The following BAHCC1 variants were observed in gnomAD, a reference collection of about 807,000 sequenced individuals.
BAHCC1 encodes the protein BAH and coiled-coil domain-containing protein 1.
In BAHCC1, 43 loss-of-function variants were observed where a neutral mutation model predicts 88.2. The observed-to-expected ratio is 0.49, with a 90% CI of 0.38 to 0.63. The LOEUF (loss-of-function observed/expected upper bound fraction) is 0.63, where lower values mean the gene tolerates loss of function less well. Ranked by LOEUF, BAHCC1 falls within the 20% of genes least tolerant of loss-of-function variation. The probability of loss-of-function intolerance (pLI) is 0.00; values close to 1 mark genes in which losing one functional copy is unlikely to be tolerated. For synonymous variants in BAHCC1, 1,510 were observed against 745.5 expected, an observed-to-expected ratio of 2.03 and a Z score of -16.71; for missense variants, 3,023 against 1,654.8, an observed-to-expected ratio of 1.83 and a Z score of -14.34.
chr17:81,419,337 C>A (rs746603081), intron 2 of BAHCC1, among the ~76,000 whole-genome samples: 1 of 152,390 alleles, frequency 6.6e-6, no homozygotes, highest in East Asian at 1.9e-4. Context: ...CTGCACCTCC[C>A]CTCTGCATCC....
Position 81,435,329 on chromosome 17 carries a change from C to T in BAHCC1, c.359-3041C>T, listed in dbSNP as rs2064320844. 1 of 417,446 alleles carries T rather than the reference C, an allele frequency of 2.4e-6. No individual in the cohort carries two copies. Among genetic ancestry groups the T allele is most frequent in the South Asian group, 1.7e-5 (1 of 59,774 alleles). The allele number at this position is 417,446 out of a possible 1,614,324, so 25.9% of individuals were successfully genotyped here. ...AGCCTCTGTCTCCTGCAGTCTGTCC[C>T]ATCACAGGACTGAGTTTGGAGTCTC... On this transcript the variant is annotated intron_variant, in intron 3 of 27. Transcript: ENST00000675386. This position sits in a 1 kb window ranked among gnomAD's most constrained non-coding sequence, Gnocchi z 4.4.
At chr17:81,419,878 T>C (rs1431546591) in intron 2 of BAHCC1, among the ~76,000 whole-genome samples, 1 of 146,284 alleles carries the variant, frequency 6.8e-6, no homozygotes. Context: ...TCAAAACAAA[T>C]GCTCGCTCTG....
intron 3 of BAHCC1, among the ~76,000 whole-genome samples, chr17:81,428,126 TCCAGACTCCCCTGC>T (rs1312812213): frequency 2.6e-5 from 4 of 151,970 alleles, no homozygotes; most frequent in Admixed American, 6.6e-5. Flanking sequence ...GGGTCCTCGG[TCCAGACTCCCCTGC>T]CCAGACTCCC....
intron 2 of BAHCC1, among the ~76,000 whole-genome samples, chr17:81,421,017 G>A (rs1387572398): frequency 4.6e-5 from 7 of 152,256 alleles, no homozygotes; most frequent in African/African-American, 1.7e-4. Context: ...CAGCCCCATG[G>A]CGGGCCCACG....
In BAHCC1 at chr17:81,451,561, C is replaced by T. The variant is rs148577337; in HGVS notation, c.3977-107C>T. 1,352 of 625,318 alleles carry T rather than the reference C, an allele frequency of 2.2e-3. 2 individuals are homozygous for T. The highest frequency in any genetic ancestry group is 3.0e-3 in the Non-Finnish European group (1,020 of 343,568). 38.7% of individuals were successfully genotyped at this position (625,318 alleles called of 1,614,324 possible). A position where few individuals can be genotyped will look rare whatever the true frequency, so the allele number is the denominator to read the frequency against. On this transcript the variant is annotated intron_variant, in intron 11 of 27. Transcript: ENST00000675386. ...CTTCCCGGTCTCCTGACCCTCATCC[C>T]GGTCTTCAAGGCTGGGTGGCTTCAG...
rs369933422 is a variant in BAHCC1, at chr17:81,457,589, C to T, written c.5038C>T (p.Leu1680=). 2.0e-4 allele frequency: 148 copies of T among 730,852 alleles called. 1 individual carries two copies. Among genetic ancestry groups the T allele is most frequent in the Non-Finnish European group, 3.2e-4 (126 of 393,306 alleles). The allele number at this position is 730,852 out of a possible 1,614,324, so 45.3% of individuals were successfully genotyped here. Residue 1680 remains leucine, a synonymous_variant, in exon 17 of 28, where the codon CTA becomes TTA. Transcript: ENST00000675386. Reference sequence around the variant, plus strand: ...GAAGAAGAAGGAGAGGCAGGGGTTGCTAGGTAACCAGGAGGGAGGACAGGG... The same window carrying T: ...GAAGAAGAAGGAGAGGCAGGGGTTGTTAGGTAACCAGGAGGGAGGACAGGG... ...AKKKKERQGL[L]GACRLSSPES...
chr17:81,419,296 G>A (rs1360612328), intron 2 of BAHCC1, among the ~76,000 whole-genome samples: 1 of 152,188 alleles, frequency 6.6e-6, no homozygotes, highest in Non-Finnish European at 1.5e-5. Context: ...CAGCCAAATG[G>A]TCAGATGCTA....
chr17:81,445,193 C>A lies in BAHCC1; in HGVS notation c.2835+15C>A. The A allele has an allele frequency of 1.3e-6, 1 of 758,754 alleles. No homozygotes were observed. Among genetic ancestry groups the A allele is most frequent in the South Asian group, 1.4e-5 (1 of 71,460 alleles). The allele number at this position is 758,754 out of a possible 1,614,324, so 47.0% of individuals were successfully genotyped here. On this transcript the variant is annotated intron_variant, in intron 9 of 27. Coordinates refer to ENST00000675386, the MANE Select transcript of BAHCC1 (RefSeq NM_001377448.1). ...CCCAGTTCCAGGTACCGCCCCTAGC[C>A]ACGCTCACCTGGGCCGGGCACTTCT...
rs370839494 is a variant in BAHCC1 at position 81,455,587 on chromosome 17, G to C, written c.4569+197G>C. On this transcript the variant is annotated intron_variant, in intron 15 of 27. Transcript: ENST00000675386. ...GTGTAACACAGGAAGGTCTGACCGG[G>C]TGGCCCTGCCGCCACTTGCCCACGT... Among the ~76,000 whole-genome samples, 7 of 152,192 alleles carry C rather than the reference G, an allele frequency of 4.6e-5. No individual in the cohort carries two copies. In the East Asian group the frequency reaches 7.7e-4, roughly 17 times the overall value.
At position 81,461,554 on chromosome 17, in the gene BAHCC1, G is replaced by A; in HGVS notation, c.6891G>A (p.Glu2297=). 2.8e-6 allele frequency: 2 copies of A among 723,972 alleles called. No homozygotes were observed. Among genetic ancestry groups the A allele is most frequent in the Non-Finnish European group, 5.1e-6 (2 of 388,746 alleles). The allele number at this position is 723,972 out of a possible 1,614,324, so 44.8% of individuals were successfully genotyped here. A position where few individuals can be genotyped will look rare whatever the true frequency, so the allele number is the denominator to read the frequency against. ...ACAGCTCCTTCTCGGACGAGGACGA[G>A]GACGGGCCGGGGCTGGCGGCCGGCG... ...DCHSSFSDED[E]DGPGLAAGVP... The change falls in exon 26 of 28, where the codon GAG becomes GAA. Residue 2297 remains glutamate (E), a synonymous_variant. Coordinates refer to ENST00000675386, the MANE Select transcript of BAHCC1 (RefSeq NM_001377448.1).
chr17:81,450,607 G>A (rs77971002), intron 11 of BAHCC1, among the ~76,000 whole-genome samples: 1,958 of 152,334 alleles, frequency 0.013, 21 homozygotes, highest in African/African-American at 0.024. Flanking sequence ...GGGCTGGAGC[G>A]TGCTGGAAAG....
intron 23 of BAHCC1, among the ~76,000 whole-genome samples, 174 bp downstream of exon 23, chr17:81,459,778 T>TG (rs547761906): frequency 6.2e-4 from 41 of 65,704 alleles, no homozygotes; most frequent in African/African-American, 1.8e-3. Flanking sequence ...ACAGGGTGTG[T>TG]GGGGAGGGAG....
rs557455965 is a variant in BAHCC1, at chr17:81,434,581, C to T, written c.359-3789C>T. 1.3e-5 allele frequency among the ~76,000 whole-genome samples: 2 copies of T among 152,276 alleles called. No homozygotes were observed. The highest frequency in any genetic ancestry group is 3.9e-4 in the East Asian group (2 of 5,188). On this transcript the variant is annotated intron_variant, in intron 3 of 27. Coordinates refer to ENST00000675386, the MANE Select transcript of BAHCC1 (RefSeq NM_001377448.1). The surrounding 1 kb of genome is among the most constrained non-coding windows in gnomAD (Gnocchi z 4.9). ...AAGTGGGGCTTCCTGGGTGACCCTG[C>T]AGTGGGAAGTCCCCTGACCCCCCAG... is the stretch of plus-strand genomic sequence containing the variant.
rs563783646 is a variant in BAHCC1 at position 81,434,213 on chromosome 17, C to T, written c.359-4157C>T. On this transcript the variant is annotated intron_variant, in intron 3 of 27. Transcript: ENST00000675386. This position sits in a 1 kb window ranked among gnomAD's most constrained non-coding sequence, Gnocchi z 4.9. ...TATTTGAGACAGTGCCCACAGCCTC[C>T]CACGTTCCCCAGGGCCTCCCAGGCT... Among the ~76,000 whole-genome samples the T allele has an allele frequency of 2.3e-4, 35 of 152,288 alleles. No individual in the cohort carries two copies. Among genetic ancestry groups the T allele is most frequent in the East Asian group, 7.7e-4 (4 of 5,180 alleles).
rs1555653664 is a variant in BAHCC1, at chr17:81,444,407, C to T, written c.2351C>T (p.Ala784Val). ...LQDSKDRVEF[A>V]RIHPPSSCPG... ...GACAGCAAAGACCGCGTAGAGTTCG[C>T]CCGGATCCACCCACCGAGCAGCTGC... The change falls in exon 7 of 28, where the codon GCC becomes GTC. Residue 784 changes from alanine (A) to valine (V), a missense_variant. Physicochemically the swap from Ala to Val is moderately conservative, Grantham distance 64. Transcript: ENST00000675386. 1.3e-6 allele frequency: 1 copy of T among 748,382 alleles called. No homozygotes were observed. 46.4% of individuals were successfully genotyped at this position (748,382 alleles called of 1,614,324 possible). A position where few individuals can be genotyped will look rare whatever the true frequency, so the allele number is the denominator to read the frequency against.
chr17:81,463,785 G>T lies in BAHCC1; in HGVS notation c.7795G>T (p.Val2599Leu). The T allele has an allele frequency of 1.3e-6, 1 of 757,396 alleles. No homozygotes were observed. Among genetic ancestry groups the T allele is most frequent in the Non-Finnish European group, 2.4e-6 (1 of 410,234 alleles). The allele number at this position is 757,396 out of a possible 1,614,324, so 46.9% of individuals were successfully genotyped here. The change falls in exon 28 of 28, where the codon GTG becomes TTG. Residue 2599 changes from valine (V) to leucine (L), a missense_variant. Physicochemically the swap from Val to Leu is conservative, Grantham distance 32. Coordinates refer to ENST00000675386, the MANE Select transcript of BAHCC1 (RefSeq NM_001377448.1). ...GTYDPTTGRLVTADGVPILC is the reference protein window; with the variant it reads ...GTYDPTTGRLLTADGVPILC ...CTACGACCCCACCACCGGGCGCCTG[G>T]TGACGGCTGATGGCGTGCCCATCCT...
Position 81,464,391 on chromosome 17 carries a change from C to T in BAHCC1, c.*574C>T, listed in dbSNP as rs1354855350. ...TGGGTTCCAACGGGGGCACCTGGGA[C>T]GACAGAGGCATCTCGGGGCAGGGGG... On this transcript the variant is annotated 3_prime_UTR_variant, in exon 28 of 28. Coordinates refer to ENST00000675386, the MANE Select transcript of BAHCC1 (RefSeq NM_001377448.1). 27 of 159,454 alleles carry T rather than the reference C, an allele frequency of 1.7e-4. No individual in the cohort carries two copies. Among genetic ancestry groups the T allele is most frequent in the African/African-American group, 5.8e-4 (24 of 41,604 alleles). 9.9% of individuals were successfully genotyped at this position (159,454 alleles called of 1,614,324 possible). A position where few individuals can be genotyped will look rare whatever the true frequency, so the allele number is the denominator to read the frequency against.
At chr17:81,407,154 C>T (rs182003440) in intron 2 of BAHCC1, among the ~76,000 whole-genome samples, 57 of 152,322 alleles carry the variant, frequency 3.7e-4, no homozygotes, top group African/African-American at 1.3e-3. Flanking sequence ...AGAGCAGCCC[C>T]TTGCCCCAGC....
chr17:81,439,642 G>A (rs1555652215), intron 4 of BAHCC1, among the ~76,000 whole-genome samples: 1 of 151,994 alleles, frequency 6.6e-6, no homozygotes, highest in Non-Finnish European at 1.5e-5. Context: ...GGGGACAGAT[G>A]GTTTCCGCAC....
Sources: gnomAD v4.1 joint callset for allele counts (sites outside exome capture counted in the v4.1 genomes callset) on GRCh38, gnomAD v4.1.1 for gene constraint, Gnocchi (gnomAD v3.1) non-coding constraint, MANE v1.5 for transcripts, NCBI Gene and HGNC (gene_info 2026-07-23, HGNC 2026-07-21) for gene names.